Variants in RTTN observed in about 807,000 individuals in gnomAD.
The protein encoded by RTTN is rotatin.
In RTTN, 182 loss-of-function variants were observed where a neutral mutation model predicts 269.2. The observed-to-expected ratio is 0.68, with a 90% CI of 0.60 to 0.76. The LOEUF is 0.76. RTTN is among the 30% of genes least tolerant of loss of function. The pLI, the probability that RTTN is intolerant of heterozygous loss-of-function variation, is 0.00. For synonymous variants in RTTN, 1,006 were observed against 963.5 expected (o/e 1.04, Z -0.82); for missense variants, 2,545 against 2,608.6 (o/e 0.98, Z 0.53).
intron 2 of RTTN, 48 bp from the exon 3 acceptor site, chr18:70,204,311 T>G: frequency 2.7e-6 from 4 of 1,496,620 alleles, no homozygotes; most frequent in South Asian, 1.2e-5. Flanking sequence ...TCAAAATCTC[T>G]ATAACTTACA....
rs1190207998 is a variant in RTTN, at chr18:70,059,897, G to C, written c.4893C>G (p.Asp1631Glu). The C allele has an allele frequency of 1.2e-6, 2 of 1,613,000 alleles. No homozygotes were observed. The highest frequency in any genetic ancestry group is 1.7e-6 in the Non-Finnish European group (2 of 1,179,322). ...LDNLLTIAPR[D>E]TAKAFRQAHL... is the part of the protein sequence containing the mutation. ...GAGCTTGTCGAAAAGCCTTTGCAGT[G>C]TCTCTGGGAGCAATCGTCAAGAGGT... Residue 1631 changes from aspartate to glutamate, a missense_variant, in exon 36 of 49, where the codon GAC becomes GAG. Physicochemically the swap from Asp to Glu is conservative, Grantham distance 45. Transcript: ENST00000640769.
intron 14 of RTTN, among the ~76,000 whole-genome samples, chr18:70,160,496 TC>T (rs974538480): frequency 2.0e-5 from 3 of 151,528 alleles, no homozygotes; most frequent in Admixed American, 6.6e-5. Context: ...CTAGAAACAG[TC>T]CCCTTGAGAA....
chr18:70,116,682 T>C (rs1257263287), intron 26 of RTTN, among the ~76,000 whole-genome samples: 2 of 152,114 alleles, frequency 1.3e-5, no homozygotes, highest in East Asian at 3.9e-4. Flanking sequence ...AAGGCAACCA[T>C]TTCTATAATG....
At position 70,128,457 on chromosome 18, in the gene RTTN, T is replaced by C. The variant is rs375396886; in HGVS notation, c.3044A>G (p.Lys1015Arg). Residue 1015 changes from lysine to arginine, a missense_variant, in exon 24 of 49, where the codon AAG becomes AGG. By Grantham distance (26) the Lys-to-Arg change is conservative (BLOSUM62 2). Coordinates refer to ENST00000640769, the MANE Select transcript of RTTN (RefSeq NM_173630.4). ...TATTCTCAGCATATCTGACACCGGC[T>C]TCAAGGCCAAACAATCAGCAGATAA... is the stretch of plus-strand genomic sequence containing the variant. ...LPLSADCLAL[K>R]PVSDMLRIAW... 4 of 1,613,368 alleles carry C rather than the reference T, an allele frequency of 2.5e-6. No individual in the cohort carries two copies. Among genetic ancestry groups the C allele is most frequent in the South Asian group, 1.1e-5 (1 of 91,058 alleles).
At chr18:70,142,662 C>G (rs931578763) in intron 18 of RTTN, among the ~76,000 whole-genome samples, 4 of 152,176 alleles carry the variant, frequency 2.6e-5, no homozygotes. Context: ...ACAACCTCAC[C>G]AGTATCTGCT....
In RTTN at chr18:70,178,969, G is replaced by C. The variant is rs79542733; in HGVS notation, c.1306-2124C>G. Among the ~76,000 whole-genome samples, 872 of 152,050 alleles carry C rather than the reference G, an allele frequency of 5.7e-3. 9 individuals are homozygous for C. The highest frequency in any genetic ancestry group is 0.019 in the African/African-American group (809 of 41,500). ...TTTTTGAACATAATTAAAATTAATA[G>C]ACATAAACTTTGAACACTGCAAAGA... On this transcript the variant is annotated intron_variant, in intron 10 of 48. Coordinates refer to ENST00000640769, the MANE Select transcript of RTTN (RefSeq NM_173630.4).
chr18:70,124,645 G>A (rs995029510), intron 25 of RTTN, among the ~76,000 whole-genome samples: 1 of 151,918 alleles, frequency 6.6e-6, no homozygotes, highest in African/African-American at 2.4e-5. Flanking sequence ...AGAGAGAGGA[G>A]GAAACTGTAG....
intron 34 of RTTN, among the ~76,000 whole-genome samples, chr18:70,069,930 T>C (rs894819444): frequency 2.6e-5 from 4 of 152,208 alleles, no homozygotes; most frequent in Admixed American, 6.5e-5. Context: ...TAATAAATAA[T>C]ACCTTTCTCT....
intron 30 of RTTN, 42 bp from the exon 31 acceptor site, chr18:70,088,189 T>G: frequency 6.5e-7 from 1 of 1,543,604 alleles, no homozygotes; most frequent in Non-Finnish European, 8.8e-7. Context: ...AAATAAGCCT[T>G]TTTCCTAACA....
chr18:70,136,414 T>G (rs938263947), intron 21 of RTTN, among the ~76,000 whole-genome samples: 12 of 53,364 alleles, frequency 2.2e-4, no homozygotes, highest in African/African-American at 3.8e-4. Context: ...AGGTTAAAAA[T>G]ATAATAATAA....
chr18:70,022,965 T>C (rs10871660), intron 44 of RTTN, among the ~76,000 whole-genome samples: 122,806 of 152,172 alleles, frequency 0.81, 53,989 homozygotes, highest in East Asian at 1. Flanking sequence ...TACATGACAA[T>C]GACTCCTGTG....
In RTTN at chr18:70,199,498, T is replaced by G. The variant is rs199536536; in HGVS notation, c.494A>C (p.Gln165Pro). The change falls in exon 5 of 49, where the codon CAG becomes CCG. Residue 165 changes from glutamine (Q) to proline (P), a missense_variant. By Grantham distance (76) the Gln-to-Pro change is moderately conservative (BLOSUM62 -1). Coordinates refer to ENST00000640769, the MANE Select transcript of RTTN (RefSeq NM_173630.4). Reference sequence around the variant, plus strand: ...AGAAAACTTCAAGCACTTCACAGTCTGATTTACTGTCAGTGAAAGAGCAAA... The same window carrying G: ...AGAAAACTTCAAGCACTTCACAGTCGGATTTACTGTCAGTGAAAGAGCAAA... The part of the protein sequence containing the change: ...MEVPPRPVVN[Q>P]TVKCLKFSTF... 2.8e-4 allele frequency: 447 copies of G among 1,607,124 alleles called. 2 individuals carry two copies. Among genetic ancestry groups the G allele is most frequent in the Middle Eastern group, 9.9e-4 (6 of 6,042 alleles).
Position 70,127,563 on chromosome 18 carries a change from C to G in RTTN, c.3322G>C (p.Gly1108Arg), listed in dbSNP as rs1468208943. 3 of 1,613,330 alleles carry G rather than the reference C, an allele frequency of 1.9e-6. No homozygotes were observed. Among genetic ancestry groups the G allele is most frequent in the African/African-American group, 1.3e-5 (1 of 74,838 alleles). ...YLLNDRLSLK[G>R]CPGPCGVTLK... ...GTAACCCCACATGGACCAGGGCAACCCTTTAAAGACAATCTGTCATTCAGA... is the reference window on the plus strand; with the variant it reads ...GTAACCCCACATGGACCAGGGCAACGCTTTAAAGACAATCTGTCATTCAGA... Residue 1108 changes from glycine (G) to arginine (R), a missense_variant, in exon 25 of 49, where the codon GGT becomes CGT. Physicochemically the swap from Gly to Arg is moderately radical, Grantham distance 125. Coordinates refer to ENST00000640769, the MANE Select transcript of RTTN (RefSeq NM_173630.4).
At chr18:70,179,323 T>C (rs2061369533) in intron 10 of RTTN, among the ~76,000 whole-genome samples, 1 of 152,226 alleles carries the variant, frequency 6.6e-6, no homozygotes, top group African/African-American at 2.4e-5. Flanking sequence ...ATCTCTATTA[T>C]TCAAGTCTAT....
chr18:70,037,707 C>T (rs933481256), intron 40 of RTTN, among the ~76,000 whole-genome samples: 5 of 152,076 alleles, frequency 3.3e-5, no homozygotes, highest in Admixed American at 1.3e-4. Flanking sequence ...CAACAAAAGA[C>T]TCCTTTTGTT....
intron 46 of RTTN, among the ~76,000 whole-genome samples, chr18:70,014,280 A>G (rs2056476911): frequency 6.6e-6 from 1 of 152,104 alleles, no homozygotes; most frequent in African/African-American, 2.4e-5. Context: ...TCAGTTTCCC[A>G]TTTCCTAAAA....
chr18:70,122,584 C>G (rs1382420788), intron 25 of RTTN, among the ~76,000 whole-genome samples: 1 of 152,040 alleles, frequency 6.6e-6, no homozygotes, highest in Non-Finnish European at 1.5e-5. Flanking sequence ...CAAGAAGACC[C>G]AAGCAAAAAT....
chr18:70,175,077 CT>C (rs2061257645), intron 11 of RTTN, among the ~76,000 whole-genome samples: 1 of 106,522 alleles, frequency 9.4e-6, no homozygotes, highest in Non-Finnish European at 2.0e-5. Context: ...GAATAAATAA[CT>C]TTTATAGACG....
At chr18:70,203,115 A>C (rs2061992452) in intron 3 of RTTN, among the ~76,000 whole-genome samples, 1 of 152,194 alleles carries the variant, frequency 6.6e-6, no homozygotes, top group Non-Finnish European at 1.5e-5. Context: ...CAGCCAACAC[A>C]GCCACATTTC....
Sources: gnomAD v4.1 joint callset for allele counts (sites outside exome capture counted in the v4.1 genomes callset) on GRCh38, gnomAD v4.1.1 for gene constraint, MANE v1.5 for transcripts, NCBI Gene and HGNC (gene_info 2026-07-23, HGNC 2026-07-21) for gene names.